WDR70: variants seen among roughly 807,000 people sequenced by gnomAD.
The protein encoded by WDR70 is WD repeat-containing protein 70.
WDR70 carries 53 observed loss-of-function variants against 88.6 expected under a neutral mutation model. That is an observed-to-expected ratio of 0.60 (90% CI 0.48 to 0.75). WDR70 has a LOEUF of 0.75. WDR70 is among the 30% of genes least tolerant of loss of function. WDR70 has a pLI of 0.00. For missense variants in WDR70, 610 were observed against 823.2 expected (o/e 0.74, Z 3.17); for synonymous variants, 280 against 270.0 (o/e 1.04, Z -0.36).
chr5:37,683,587 C>T (rs1333588160), intron 10 of WDR70, among the ~76,000 whole-genome samples: 1 of 152,140 alleles, frequency 6.6e-6, no homozygotes, highest in Admixed American at 6.5e-5. Flanking sequence ...TCTTATTTCT[C>T]CTTCACTAAT....
chr5:37,702,869 T>C (rs938139259), intron 12 of WDR70, 80 bp from the exon 13 acceptor site: 1 of 1,429,526 alleles, frequency 7.0e-7, no homozygotes, highest in African/African-American at 1.4e-5. Context: ...GAGATGTTTA[T>C]ATTTTATTTA....
In WDR70 at chr5:37,647,444, TG is replaced by T. The variant is rs1286184914; in HGVS notation, c.1092+42209del. On this transcript the variant is annotated intron_variant, in intron 10 of 17. Transcript: ENST00000265107. ...ATGCTTGGGGATTTTTTTTGGTGAC[TG>T]GGAATTGAAGAGTTGGGTATTTATT... is the stretch of plus-strand genomic sequence containing the variant. Among the ~76,000 whole-genome samples the T allele has an allele frequency of 4.6e-5, 7 of 152,196 alleles. No individual in the cohort carries two copies. The East Asian group carries it at 1.3e-3, about 29-fold the overall frequency.
chr5:37,697,405 C>A (rs1747012811), intron 10 of WDR70, among the ~76,000 whole-genome samples: 1 of 152,168 alleles, frequency 6.6e-6, no homozygotes, highest in Admixed American at 6.5e-5. Flanking sequence ...ATAGAGCTTG[C>A]TAGGGCAATC....
intron 4 of WDR70, among the ~76,000 whole-genome samples, chr5:37,394,189 C>T (rs944243226): frequency 2.6e-5 from 4 of 151,044 alleles, no homozygotes; most frequent in African/African-American, 9.8e-5. Context: ...CCTGTAATTC[C>T]AGCTACTTGG....
chr5:37,562,382 C>T (rs1290133134), intron 9 of WDR70, among the ~76,000 whole-genome samples: 1 of 151,398 alleles, frequency 6.6e-6, no homozygotes, highest in Admixed American at 6.6e-5. Context: ...AGTAAAATGA[C>T]ATCCTAGAAA....
chr5:37,726,768 A>G lies in WDR70; in HGVS notation c.1715-115A>G, dbSNP rs187043732. On this transcript the variant is annotated intron_variant, in intron 16 of 17. Coordinates refer to ENST00000265107, the MANE Select transcript of WDR70 (RefSeq NM_018034.4). ...ATTGTCATAAATCTAAGCTGAAAGG[A>G]TGAAATTTAAGTACTCTTGAGATTT... The G allele has an allele frequency of 1.0e-5, 11 of 1,088,606 alleles. No individual in the cohort carries two copies. The East Asian group carries it at 3.2e-4, about 32-fold the overall frequency. 67.4% of individuals were successfully genotyped at this position (1,088,606 alleles called of 1,614,324 possible).
In WDR70 at chr5:37,677,446, A is replaced by G. The variant is rs1170578014; in HGVS notation, c.1093-20209A>G. Among the ~76,000 whole-genome samples the G allele has an allele frequency of 7.9e-5, 12 of 152,104 alleles. No individual in the cohort carries two copies. The East Asian group carries it at 1.7e-3, about 22-fold the overall frequency. ...TCCGGTATGTTGTCTCTTTGTTCTC[A>G]TTGGTTTCAAAGAACATCTTTATTT... is the stretch of plus-strand genomic sequence containing the variant. On this transcript the variant is annotated intron_variant, in intron 10 of 17. Transcript: ENST00000265107.
intron 8 of WDR70, chr5:37,505,544 G>T (rs1829292): frequency 0.48 from 298,584 of 626,326 alleles, 75,942 homozygotes; most frequent in Non-Finnish European, 0.54. Context: ...CTTATGCACC[G>T]CTGAGAGCAA....
intron 10 of WDR70, among the ~76,000 whole-genome samples, chr5:37,637,070 G>T (rs999698401): frequency 6.6e-6 from 1 of 152,060 alleles, no homozygotes; most frequent in African/African-American, 2.4e-5. Context: ...GGCCAGGCGT[G>T]GTAGCTCACG....
chr5:37,415,401 G>A (rs1370098160), intron 5 of WDR70, among the ~76,000 whole-genome samples: 20 of 105,112 alleles, frequency 1.9e-4, no homozygotes, highest in South Asian at 3.4e-4. Flanking sequence ...GCGGCTGGCC[G>A]GGCGGGGGGC....
chr5:37,682,521 G>A (rs1012542150), intron 10 of WDR70, among the ~76,000 whole-genome samples: 1 of 67,218 alleles, frequency 1.5e-5, no homozygotes, highest in East Asian at 4.6e-4. Context: ...ATGTTAGGTT[G>A]TTAAGTTGAG....
intron 10 of WDR70, among the ~76,000 whole-genome samples, chr5:37,665,044 C>T (rs560303429): frequency 2.4e-4 from 37 of 152,302 alleles, no homozygotes; most frequent in Non-Finnish European, 1.6e-4. Flanking sequence ...TGTACCAGCT[C>T]ATCCATGCAT....
intron 5 of WDR70, among the ~76,000 whole-genome samples, chr5:37,415,820 C>T (rs1451371112): frequency 1.3e-5 from 2 of 150,786 alleles, no homozygotes; most frequent in Non-Finnish European, 3.0e-5. Flanking sequence ...AGACGCTCCT[C>T]ACCTCCCAGA....
chr5:37,674,357 A>G (rs1024319672), intron 10 of WDR70, among the ~76,000 whole-genome samples: 14 of 152,054 alleles, frequency 9.2e-5, no homozygotes, highest in African/African-American at 3.1e-4. Flanking sequence ...AGCATTAGGT[A>G]TATCTCCTAA....
At chr5:37,560,266 A>T (rs1742460883) in intron 9 of WDR70, among the ~76,000 whole-genome samples, 1 of 152,144 alleles carries the variant, frequency 6.6e-6, no homozygotes, top group African/African-American at 2.4e-5. Context: ...TCAGGGCCAG[A>T]TATTTTTCAA....
At chr5:37,496,034 CT>C (rs1265933394) in intron 8 of WDR70, among the ~76,000 whole-genome samples, 2 of 152,174 alleles carry the variant, frequency 1.3e-5, no homozygotes, top group Non-Finnish European at 1.5e-5. Context: ...GCCAGCTGGA[CT>C]TTCTGGGTCG....
At chr5:37,403,746 G>A (rs985243597) in intron 5 of WDR70, among the ~76,000 whole-genome samples, 1 of 151,752 alleles carries the variant, frequency 6.6e-6, no homozygotes, top group South Asian at 2.1e-4. Context: ...TTAAAGATGG[G>A]GTCTTGTTTC....
intron 10 of WDR70, among the ~76,000 whole-genome samples, chr5:37,622,987 C>G (rs1470030343): frequency 6.6e-6 from 1 of 152,020 alleles, no homozygotes; most frequent in African/African-American, 2.4e-5. Flanking sequence ...ATAAAACAAT[C>G]ATTAGCCAGA....
intron 3 of WDR70, among the ~76,000 whole-genome samples, chr5:37,388,403 A>G (rs1210000545): frequency 2.8e-5 from 4 of 144,800 alleles, no homozygotes; most frequent in African/African-American, 1.0e-4. Flanking sequence ...GGCGTGAGCC[A>G]CCACGCCCAG....
Sources: allele counts gnomAD v4.1 joint callset (sites outside exome capture counted in the v4.1 genomes callset), GRCh38; gene constraint gnomAD v4.1.1; transcripts MANE v1.5; gene names NCBI Gene and HGNC (gene_info 2026-07-23, HGNC 2026-07-21).